Variants in WDR37 observed in about 807,000 individuals in gnomAD.
WDR37 encodes WD repeat-containing protein 37.
A neutral mutation model predicts 62.9 loss-of-function variants in WDR37; 19 were observed. The observed-to-expected ratio is 0.30, with a 90% confidence interval of 0.21 to 0.44. The LOEUF (loss-of-function observed/expected upper bound fraction) is 0.44. WDR37 is among the 20% of genes least tolerant of loss of function. The pLI, the probability that WDR37 is intolerant of heterozygous loss-of-function variation, is 1.00. For synonymous variants in WDR37, 250 were observed against 260.9 expected, an observed-to-expected ratio of 0.96 and a Z score of 0.40; for missense variants, 474 against 657.6, an observed-to-expected ratio of 0.72 and a Z score of 3.05.
intron 13 of WDR37, among the ~76,000 whole-genome samples, chr10:1,125,716 G>T (rs1045211119): frequency 1.3e-5 from 2 of 152,164 alleles, no homozygotes; most frequent in African/African-American, 4.8e-5. Flanking sequence ...AAGCTGGGTT[G>T]GTTGTAGGCT....
intron 13 of WDR37, among the ~76,000 whole-genome samples, chr10:1,125,768 G>A (rs997212820): frequency 6.6e-6 from 1 of 152,222 alleles, no homozygotes; most frequent in African/African-American, 2.4e-5. Context: ...CCAGCCAGAA[G>A]AACACGTTTC....
intron 1 of WDR37, among the ~76,000 whole-genome samples, chr10:1,066,931 A>G (rs969627615): frequency 1.3e-5 from 2 of 152,146 alleles, no homozygotes; most frequent in Non-Finnish European, 2.9e-5. Context: ...GAACCATCAG[A>G]TCTTGTGAGA....
rs1491455688 is a variant in WDR37 at position 1,108,738 on chromosome 10, T to TC, written c.1103+3471_1103+3472insC. ...GTTGCTTTGGTTTTGGCTTCTGTGA[T>TC]GCCCCCCCCCCCCGTGGAACCTGCA... On this transcript the variant is annotated intron_variant, in intron 11 of 13. Transcript: ENST00000263150. Among the ~76,000 whole-genome samples, 195 of 59,766 alleles carry TC rather than the reference T, an allele frequency of 3.3e-3. 11 individuals are homozygous for TC. The highest frequency in any genetic ancestry group is 7.9e-3 in the South Asian group (12 of 1,514). 39.2% of individuals were successfully genotyped at this position (59,766 alleles called of 152,430 possible). A position where few individuals can be genotyped will look rare whatever the true frequency, so the allele number is the denominator to read the frequency against.
At position 1,066,211 on chromosome 10, in the gene WDR37, G is replaced by C. The variant is rs189662479; in HGVS notation, c.-40-5905G>C. Among the ~76,000 whole-genome samples the C allele has an allele frequency of 6.6e-5, 10 of 152,272 alleles. No individual in the cohort carries two copies. In the East Asian group the frequency reaches 1.9e-3, roughly 29 times the overall value. Reference sequence around the variant, plus strand: ...GCTCACTGCAACCTCCGCCTCCCGGGTTGATGCCATTCTCCTGCCTCAGCC... The same window carrying C: ...GCTCACTGCAACCTCCGCCTCCCGGCTTGATGCCATTCTCCTGCCTCAGCC... On this transcript the variant is annotated intron_variant, in intron 1 of 13. Transcript: ENST00000263150.
chr10:1,116,846 G>A (rs951554087), intron 11 of WDR37, among the ~76,000 whole-genome samples: 7 of 151,810 alleles, frequency 4.6e-5, no homozygotes, highest in Non-Finnish European at 1.0e-4. Context: ...CCAAGGAGAC[G>A]TTAGCAGATA....
At chr10:1,068,209 C>T (rs1445250687) in intron 1 of WDR37, among the ~76,000 whole-genome samples, 2 of 151,822 alleles carry the variant, frequency 1.3e-5, no homozygotes, top group African/African-American at 2.4e-5. Flanking sequence ...AGGCCGGGCG[C>T]GGTGGCTGAC....
Position 1,130,435 on chromosome 10 carries a change from C to T in WDR37, c.*1091C>T, listed in dbSNP as rs190704996. ...GCTGACGGCTGCAGCCAGCAGGCCC[C>T]GGTGACGAGACACTTCCAGGTCTTG... On this transcript the variant is annotated 3_prime_UTR_variant, in exon 14 of 14. Coordinates refer to ENST00000263150, the MANE Select transcript of WDR37 (RefSeq NM_014023.4). 3 of 152,774 alleles carry T rather than the reference C, an allele frequency of 2.0e-5. No individual in the cohort carries two copies. The highest frequency in any genetic ancestry group is 1.9e-4 in the East Asian group (1 of 5,192). The allele number at this position is 152,774 out of a possible 1,614,324, so 9.5% of individuals were successfully genotyped here. A position where few individuals can be genotyped will look rare whatever the true frequency, so the allele number is the denominator to read the frequency against.
rs944690519 is a variant in WDR37 at position 1,084,267 on chromosome 10, T to C, written c.397-136T>C. 8.6e-6 allele frequency: 10 copies of C among 1,167,746 alleles called. No homozygotes were observed. In the African/African-American group the frequency reaches 1.5e-4, roughly 18 times the overall value. 72.3% of individuals were successfully genotyped at this position (1,167,746 alleles called of 1,614,324 possible). A position where few individuals can be genotyped will look rare whatever the true frequency, so the allele number is the denominator to read the frequency against. The stretch of plus-strand genomic sequence containing the variant: ...AGGGCGTTTCAGCTCACACTTGCGC[T>C]GTGTTCCTTGATGCTTTAACTGTCC... On this transcript the variant is annotated intron_variant, in intron 5 of 13. Coordinates refer to ENST00000263150, the MANE Select transcript of WDR37 (RefSeq NM_014023.4).
intron 1 of WDR37, among the ~76,000 whole-genome samples, 182 bp from the exon 2 acceptor site, chr10:1,071,934 T>A (rs1714861638): frequency 6.6e-6 from 1 of 152,198 alleles, no homozygotes; most frequent in African/African-American, 2.4e-5. Flanking sequence ...AGAAATTACT[T>A]CTTTAATAAA....
chr10:1,107,133 G>A (rs1835048637), intron 11 of WDR37, among the ~76,000 whole-genome samples: 1 of 152,248 alleles, frequency 6.6e-6, no homozygotes. Context: ...ACATGGGCCT[G>A]ACCCCGCTGC....
chr10:1,058,090 C>CACGGTATGTAAACACGGCATG (rs11283910), intron 1 of WDR37, among the ~76,000 whole-genome samples: 1 of 151,776 alleles, frequency 6.6e-6, no homozygotes, highest in Admixed American at 6.6e-5. Context: ...TAAATATGAA[C>CACGGTATGTAAACACGGCATG]TCACCAATGT....
At chr10:1,120,976 G>C (rs771429888) in intron 11 of WDR37, among the ~76,000 whole-genome samples, 16 of 152,214 alleles carry the variant, frequency 1.1e-4, no homozygotes, top group Non-Finnish European at 2.2e-4. Context: ...GCGGCGAGGA[G>C]GTGCTGCACT....
At chr10:1,106,770 G>A (rs1306772945) in intron 11 of WDR37, among the ~76,000 whole-genome samples, 1 of 152,178 alleles carries the variant, frequency 6.6e-6, no homozygotes, top group Non-Finnish European at 1.5e-5. Flanking sequence ...GCCTGCCTCA[G>A]CCTACCAAAG....
rs1564498465 is a variant in WDR37 at position 1,074,342 on chromosome 10, G to A, written c.138+2049G>A. ...TCTCCTTTGTGACACAGCAGAGGCGGTGACTGCATCTCATGGTAACCCTCA... is the reference window on the plus strand; with the variant it reads ...TCTCCTTTGTGACACAGCAGAGGCGATGACTGCATCTCATGGTAACCCTCA... On this transcript the variant is annotated intron_variant, in intron 2 of 13. Coordinates refer to ENST00000263150, the MANE Select transcript of WDR37 (RefSeq NM_014023.4). 3 of 1,243,444 alleles carry A rather than the reference G, an allele frequency of 2.4e-6. No homozygotes were observed. In the Admixed American group the frequency reaches 7.9e-5, roughly 33 times the overall value. The allele number at this position is 1,243,444 out of a possible 1,614,324, so 77.0% of individuals were successfully genotyped here.
chr10:1,059,933 C>G (rs989533542), intron 1 of WDR37, among the ~76,000 whole-genome samples: 20 of 152,260 alleles, frequency 1.3e-4, no homozygotes, highest in African/African-American at 4.8e-4. Context: ...CTGCCTCCAC[C>G]TCCCAGGGTG....
chr10:1,073,251 C>T (rs1459442114), intron 2 of WDR37, among the ~76,000 whole-genome samples: 1 of 152,146 alleles, frequency 6.6e-6, no homozygotes, highest in Admixed American at 6.5e-5. Context: ...ACCATTCCTT[C>T]ACAATTAGAA....
At chr10:1,118,672 C>G (rs996433094) in intron 11 of WDR37, among the ~76,000 whole-genome samples, 1 of 152,100 alleles carries the variant, frequency 6.6e-6, no homozygotes, top group Non-Finnish European at 1.5e-5. Flanking sequence ...TTGGAGAGCA[C>G]GATGTTCCAC....
In WDR37 at chr10:1,103,967, T is replaced by G; in HGVS notation, c.961+131T>G. ...GTGTTCTTGGCTCTTCTGTGGTAAT[T>G]TTTGGAGATTCTTTCTATTAATAAT... On this transcript the variant is annotated intron_variant, in intron 10 of 13. Transcript: ENST00000263150. The surrounding 1 kb of genome is among the most constrained non-coding windows in gnomAD (Gnocchi z 6.3). 1.1e-6 allele frequency: 1 copy of G among 872,204 alleles called. No individual in the cohort carries two copies. Among genetic ancestry groups the G allele is most frequent in the South Asian group, 1.8e-5 (1 of 56,032 alleles). 54.0% of individuals were successfully genotyped at this position (872,204 alleles called of 1,614,324 possible). A position where few individuals can be genotyped will look rare whatever the true frequency, so the allele number is the denominator to read the frequency against.
At chr10:1,076,817 C>T (rs1036764723) in intron 2 of WDR37, among the ~76,000 whole-genome samples, 2 of 151,260 alleles carry the variant, frequency 1.3e-5, no homozygotes, top group South Asian at 2.1e-4. Context: ...CTGAGGCGGG[C>T]GGATCATGAG....
Sources: gnomAD v4.1 joint callset for allele counts (sites outside exome capture counted in the v4.1 genomes callset) on GRCh38, gnomAD v4.1.1 for gene constraint, Gnocchi (gnomAD v3.1) non-coding constraint, MANE v1.5 for transcripts, NCBI Gene and HGNC (gene_info 2026-07-23, HGNC 2026-07-21) for gene names.